The following RC3H1 variants were observed in gnomAD, a reference collection of about 807,000 sequenced individuals.
The protein encoded by RC3H1 is roquin-1.
A neutral mutation model predicts 138.2 loss-of-function variants in RC3H1; 50 were observed. That is an observed-to-expected ratio of 0.36 (90% CI 0.29 to 0.46). The LOEUF (loss-of-function observed/expected upper bound fraction) is 0.46, where lower values mean the gene tolerates loss of function less well. Among genes scored for constraint, RC3H1 ranks in the 20% least tolerant of loss-of-function variants. The probability of loss-of-function intolerance (pLI) is 1.00; values close to 1 mark genes in which losing one functional copy is unlikely to be tolerated. For missense variants in RC3H1, 1,031 were observed against 1,388.1 expected (o/e 0.74, Z 4.09); for synonymous variants, 462 against 489.1 (o/e 0.94, Z 0.73).
At chr1:173,953,678 G>A (rs1293363485) in intron 13 of RC3H1, among the ~76,000 whole-genome samples, 2 of 152,138 alleles carry the variant, frequency 1.3e-5, no homozygotes, top group East Asian at 3.8e-4. Flanking sequence ...AATGGATTAG[G>A]TAAAAACAAA....
intron 1 of RC3H1, among the ~76,000 whole-genome samples, chr1:173,998,701 T>C (rs1047489254): frequency 5.3e-5 from 8 of 152,200 alleles, no homozygotes; most frequent in Non-Finnish European, 7.3e-5. Context: ...AACCACCACT[T>C]TCTTAAATCT....
chr1:173,941,724 C>A (rs1658869625), intron 18 of RC3H1, among the ~76,000 whole-genome samples: 1 of 152,250 alleles, frequency 6.6e-6, no homozygotes, highest in African/African-American at 2.4e-5. Flanking sequence ...CTGCTGAGGT[C>A]AGTTTGAGAC....
chr1:173,966,620 CAGG>C, intron 9 of RC3H1, among the ~76,000 whole-genome samples: 1 of 151,790 alleles, frequency 6.6e-6, no homozygotes, highest in African/African-American at 2.4e-5. Flanking sequence ...GAGGCTGAGA[CAGG>C]AGAATTGCTT....
chr1:174,009,413 C>A (rs892843845), intron 1 of RC3H1: 3 of 152,204 alleles, frequency 2.0e-5, no homozygotes, highest in African/African-American at 7.2e-5. Context: ...CCTCTGCTAT[C>A]CAACCACATG....
chr1:173,974,088 T>C (rs1001254756), intron 7 of RC3H1, among the ~76,000 whole-genome samples: 3 of 151,926 alleles, frequency 2.0e-5, no homozygotes, highest in African/African-American at 7.3e-5. Flanking sequence ...AGTGCTGGGA[T>C]TACAGGCATG....
intron 9 of RC3H1, chr1:173,969,411 G>C (rs1660255694): frequency 6.6e-6 from 1 of 151,422 alleles, no homozygotes. Context: ...GAGCTCAGGT[G>C]GATTCAGGGT....
chr1:174,018,434 T>C (rs72711437), intron 1 of RC3H1, among the ~76,000 whole-genome samples: 1 of 152,270 alleles, frequency 6.6e-6, no homozygotes, highest in Non-Finnish European at 1.5e-5. Context: ...TAAAGTTAAG[T>C]GTCTGGGGGA....
intron 2 of RC3H1, among the ~76,000 whole-genome samples, chr1:173,990,747 C>A (rs374435429): frequency 2.0e-5 from 3 of 151,792 alleles, no homozygotes; most frequent in Admixed American, 2.0e-4. Context: ...GGACTACAGG[C>A]GCCTGCAACC....
intron 1 of RC3H1, among the ~76,000 whole-genome samples, chr1:173,998,144 AG>A (rs374735273): frequency 4.1e-4 from 62 of 152,340 alleles, no homozygotes; most frequent in Admixed American, 1.6e-3. Context: ...AAACTAAAAA[AG>A]GGCCACAAAA....
chr1:173,975,136 A>C lies in RC3H1; in HGVS notation c.1103-2509T>G, dbSNP rs1007140742. Among the ~76,000 whole-genome samples, 3 of 152,260 alleles carry C rather than the reference A, an allele frequency of 2.0e-5. No homozygotes were observed. In the East Asian group the frequency reaches 5.8e-4, roughly 29 times the overall value. ...TTTTTTGATGGAGTCTCGCTCTGTCATCAGGCTGGAGTGCAGTGGCATGAT... is the reference window on the plus strand; with the variant it reads ...TTTTTTGATGGAGTCTCGCTCTGTCCTCAGGCTGGAGTGCAGTGGCATGAT... On this transcript the variant is annotated intron_variant, in intron 7 of 19. Transcript: ENST00000367696.
chr1:173,986,378 G>A (rs142734019), intron 2 of RC3H1, among the ~76,000 whole-genome samples: 143 of 152,244 alleles, frequency 9.4e-4, no homozygotes, highest in African/African-American at 3.2e-3. Flanking sequence ...CAGAGAAAGA[G>A]TCTCGCTCTG....
intron 1 of RC3H1, among the ~76,000 whole-genome samples, chr1:173,994,042 AAAG>A (rs1301713160): frequency 6.6e-6 from 1 of 150,700 alleles, no homozygotes; most frequent in Non-Finnish European, 1.5e-5. Context: ...AAAAAAAAAA[AAAG>A]CTTTGTTGGG....
rs1571205657 is a variant in RC3H1 at position 173,970,749 on chromosome 1, A to C, written c.1222-132T>G. 1.3e-5 allele frequency: 7 copies of C among 545,476 alleles called. No homozygotes were observed. The East Asian group carries it at 2.2e-4, about 18-fold the overall frequency. The allele number at this position is 545,476 out of a possible 1,614,324, so 33.8% of individuals were successfully genotyped here. A position where few individuals can be genotyped will look rare whatever the true frequency, so the allele number is the denominator to read the frequency against. The stretch of plus-strand genomic sequence containing the variant: ...ATTTATTTAGATTACCAAGAGCAAA[A>C]GTGCTGGAAAGTCATTCTGTCTGAA... On this transcript the variant is annotated intron_variant, in intron 8 of 19. Coordinates refer to ENST00000367696, the MANE Select transcript of RC3H1 (RefSeq NM_172071.4).
chr1:174,011,396 T>C (rs1661766580), intron 1 of RC3H1, among the ~76,000 whole-genome samples: 2 of 152,018 alleles, frequency 1.3e-5, no homozygotes. Context: ...AAAACTGCTA[T>C]CAATGGGGTA....
At position 173,936,306 on chromosome 1, in the gene RC3H1, A is replaced by G. The variant is rs1433702560; in HGVS notation, c.*2415T>C. The G allele has an allele frequency of 2.6e-5, 4 of 152,134 alleles. No individual in the cohort carries two copies. The highest frequency in any genetic ancestry group is 4.4e-5 in the Non-Finnish European group (3 of 68,044). The allele number at this position is 152,134 out of a possible 1,614,324, so 9.4% of individuals were successfully genotyped here. A position where few individuals can be genotyped will look rare whatever the true frequency, so the allele number is the denominator to read the frequency against. ...TGCTTCTAAAATTTAGGATGATCTGACATACCCAAAGGAGAAGATCAGTCC... is the reference window on the plus strand; with the variant it reads ...TGCTTCTAAAATTTAGGATGATCTGGCATACCCAAAGGAGAAGATCAGTCC... On this transcript the variant is annotated 3_prime_UTR_variant, in exon 20 of 20. Coordinates refer to ENST00000367696, the MANE Select transcript of RC3H1 (RefSeq NM_172071.4).
At chr1:174,010,589 T>C (rs1047774812) in intron 1 of RC3H1, among the ~76,000 whole-genome samples, 1 of 151,862 alleles carries the variant, frequency 6.6e-6, no homozygotes, top group Non-Finnish European at 1.5e-5. Flanking sequence ...GTTTTTTTAA[T>C]TTTTTTTATA....
intron 13 of RC3H1, among the ~76,000 whole-genome samples, chr1:173,955,569 G>A (rs1659605551): frequency 6.6e-6 from 1 of 151,612 alleles, no homozygotes; most frequent in Non-Finnish European, 1.5e-5. Context: ...TCTGCCCACT[G>A]TAGCCTCCCA....
chr1:173,988,727 G>C (rs79929092), intron 2 of RC3H1, among the ~76,000 whole-genome samples: 3 of 152,060 alleles, frequency 2.0e-5, no homozygotes, highest in African/African-American at 7.3e-5. Flanking sequence ...CTAATGTTTT[G>C]GATTTTGGCC....
At chr1:173,978,034 C>T (rs578074816) in intron 7 of RC3H1, among the ~76,000 whole-genome samples, 11 of 151,852 alleles carry the variant, frequency 7.2e-5, no homozygotes, top group East Asian at 3.9e-4. Context: ...TTTCAGGTTA[C>T]GGAGAAGGAG....
Sources: allele counts gnomAD v4.1 joint callset (sites outside exome capture counted in the v4.1 genomes callset), GRCh38; gene constraint gnomAD v4.1.1; transcripts MANE v1.5; gene names NCBI Gene and HGNC (gene_info 2026-07-23, HGNC 2026-07-21).